The following THEMIS variants were observed in gnomAD, a reference collection of about 807,000 sequenced individuals.
THEMIS encodes thymocyte selection associated, also known as protein THEMIS.
THEMIS carries 37 observed loss-of-function variants against 52.6 expected under a neutral mutation model. The observed-to-expected ratio is 0.70, with a 90% CI of 0.54 to 0.93. The LOEUF (loss-of-function observed/expected upper bound fraction) is 0.93. Ranked by LOEUF, THEMIS falls within the 40% of genes least tolerant of loss-of-function variation. The probability of loss-of-function intolerance (pLI) is 0.00; values close to 1 mark genes in which losing one functional copy is unlikely to be tolerated. For synonymous variants in THEMIS, 292 were observed against 272.7 expected, an observed-to-expected ratio of 1.07 and a Z score of -0.70; for missense variants, 808 against 763.1, an observed-to-expected ratio of 1.06 and a Z score of -0.69.
chr6:127,813,299 C>T lies in THEMIS; in HGVS notation c.1342G>A (p.Glu448Lys), dbSNP rs867661439. The T allele has an allele frequency of 1.2e-6, 2 of 1,614,156 alleles. No homozygotes were observed. Among genetic ancestry groups the T allele is most frequent in the Non-Finnish European group, 1.7e-6 (2 of 1,180,030 alleles). Residue 448 changes from glutamate to lysine, a missense_variant, in exon 4 of 6, where the codon GAG (glutamate) becomes AAG (lysine). Physicochemically the swap from Glu to Lys is moderately conservative, Grantham distance 56. Coordinates refer to ENST00000368248, the MANE Select transcript of THEMIS (RefSeq NM_001010923.3). Reference protein sequence around the residue: ...IHDKKQYPISELCKQFRLPFN... With the variant: ...IHDKKQYPISKLCKQFRLPFN... ...GGCAAACGGAACTGTTTACAGAGCTCAGAAATCGGGTACTGTTTCTTATCA... is the reference window on the plus strand; with the variant it reads ...GGCAAACGGAACTGTTTACAGAGCTTAGAAATCGGGTACTGTTTCTTATCA...
chr6:127,808,296 A>G (rs1403295288), intron 4 of THEMIS, among the ~76,000 whole-genome samples: 1 of 152,168 alleles, frequency 6.6e-6, no homozygotes, highest in Non-Finnish European at 1.5e-5. Flanking sequence ...AGTCGTAGCT[A>G]TATATATCCA....
rs145759503 is a variant in THEMIS, at chr6:127,859,973, G to A, written c.92-4785C>T. On this transcript the variant is annotated intron_variant, in intron 1 of 5. Transcript: ENST00000368248. ...TATCAAGAAGGAGCATCCCTCTAAA[G>A]GAAATGTTTAAGTGTAAAACTATTT... 2.5e-3 allele frequency among the ~76,000 whole-genome samples: 378 copies of A among 152,200 alleles called. 3 individuals carry two copies. Among genetic ancestry groups the A allele is most frequent in the African/African-American group, 8.5e-3 (355 of 41,540 alleles).
chr6:127,807,787 G>C (rs1410848012), intron 4 of THEMIS, among the ~76,000 whole-genome samples: 1 of 152,180 alleles, frequency 6.6e-6, no homozygotes, highest in Non-Finnish European at 1.5e-5. Context: ...TAACAAACAA[G>C]TGGGTATAAT....
At chr6:127,816,043 A>G (rs966291197) in intron 3 of THEMIS, among the ~76,000 whole-genome samples, 1 of 152,124 alleles carries the variant, frequency 6.6e-6, no homozygotes, top group African/African-American at 2.4e-5. Flanking sequence ...CCTATCTTCA[A>G]TACTTCTGTG....
intron 4 of THEMIS, among the ~76,000 whole-genome samples, chr6:127,774,497 G>A (rs557171345): frequency 2.0e-5 from 3 of 152,130 alleles, no homozygotes; most frequent in East Asian, 1.9e-4. Context: ...GAGCCACTGC[G>A]CCCGGCCAGA....
intron 1 of THEMIS, among the ~76,000 whole-genome samples, chr6:127,878,769 T>C (rs1235523307): frequency 1.3e-5 from 2 of 152,200 alleles, no homozygotes; most frequent in Non-Finnish European, 2.9e-5. Flanking sequence ...AGTGAGCCTG[T>C]GGTTTTCTAA....
At chr6:127,796,748 T>C (rs1189006018) in intron 4 of THEMIS, among the ~76,000 whole-genome samples, 1 of 152,164 alleles carries the variant, frequency 6.6e-6, no homozygotes, top group Non-Finnish European at 1.5e-5. Context: ...CATGGGTATA[T>C]ACAGTATATA....
chr6:127,901,115 A>T, upstream of THEMIS: 1 of 589,266 alleles, frequency 1.7e-6, no homozygotes, highest in East Asian at 2.8e-5. Flanking sequence ...GGGAGGGGGG[A>T]AGCAGGAGAC....
Position 127,733,728 on chromosome 6 carries a change from T to C in THEMIS, c.1759-13905A>G, listed in dbSNP as rs527781482. 2.6e-5 allele frequency among the ~76,000 whole-genome samples: 4 copies of C among 152,304 alleles called. No homozygotes were observed. The South Asian group carries it at 8.3e-4, about 32-fold the overall frequency. On this transcript the variant is annotated intron_variant, in intron 4 of 5. Coordinates refer to ENST00000368248, the MANE Select transcript of THEMIS (RefSeq NM_001010923.3). ...TCTGAATCTATCAGGCCTCAAGATT[T>C]AACTGTCAATTCTCAGGAAAATAAG...
chr6:127,877,094 TA>T (rs998172401), intron 1 of THEMIS, among the ~76,000 whole-genome samples: 1 of 152,198 alleles, frequency 6.6e-6, no homozygotes, highest in Admixed American at 6.5e-5. Context: ...AATGTGTTGC[TA>T]AAAACTGCTA....
At chr6:127,847,815 A>G (rs993886833) in intron 2 of THEMIS, among the ~76,000 whole-genome samples, 3 of 151,592 alleles carry the variant, frequency 2.0e-5, no homozygotes, top group Admixed American at 2.0e-4. Flanking sequence ...TTATGGAACC[A>G]AAAAGAGCCC....
Position 127,829,917 on chromosome 6 carries a change from C to G in THEMIS, c.268G>C (p.Ala90Pro). Residue 90 changes from alanine to proline, a missense_variant, in exon 3 of 6, where the codon GCT becomes CCT. Physicochemically the swap from Ala to Pro is conservative, Grantham distance 27. Coordinates refer to ENST00000368248, the MANE Select transcript of THEMIS (RefSeq NM_001010923.3). ...MNFPGLFKIVADKTPYLTMEE... is the reference protein window; with the variant it reads ...MNFPGLFKIVPDKTPYLTMEE... ...ATAGTAAGGTATGGAGTTTTATCAGCCACAATCTTAAAAAGACCTAAGAAC... is the reference window on the plus strand; with the variant it reads ...ATAGTAAGGTATGGAGTTTTATCAGGCACAATCTTAAAAAGACCTAAGAAC... The G allele has an allele frequency of 6.2e-7, 1 of 1,609,634 alleles. No homozygotes were observed. The highest frequency in any genetic ancestry group is 8.5e-7 in the Non-Finnish European group (1 of 1,178,048).
intron 4 of THEMIS, among the ~76,000 whole-genome samples, chr6:127,747,121 A>T (rs1477443628): frequency 1.5e-4 from 19 of 130,746 alleles, no homozygotes; most frequent in Admixed American, 2.6e-4. Flanking sequence ...GATATCTATA[A>T]TTATATTATA....
At chr6:127,786,020 T>C (rs1776936580) in intron 4 of THEMIS, among the ~76,000 whole-genome samples, 2 of 152,138 alleles carry the variant, frequency 1.3e-5, no homozygotes, top group African/African-American at 2.4e-5. Context: ...GAAGCAGCTT[T>C]ATTTATTATT....
rs139823531 is a variant in THEMIS at position 127,722,370 on chromosome 6, G to A, written c.1759-2547C>T. Among the ~76,000 whole-genome samples, 6 of 151,946 alleles carry A rather than the reference G, an allele frequency of 3.9e-5. No individual in the cohort carries two copies. In the East Asian group the frequency reaches 1.2e-3, roughly 30 times the overall value. On this transcript the variant is annotated intron_variant, in intron 4 of 5. Transcript: ENST00000368248. The stretch of plus-strand genomic sequence containing the variant: ...TCCCTGGGTCTGCACATTATACCCT[G>A]GCATCTCTTTTCTGCTACAATAAAA...
At chr6:127,703,387 G>A (rs574959107), downstream of THEMIS, among the ~76,000 whole-genome samples, 1 of 152,234 alleles carries the variant, frequency 6.6e-6, no homozygotes, top group South Asian at 2.1e-4. Flanking sequence ...AAAGATACAA[G>A]AAACAATAAG....
At chr6:127,839,701 C>A (rs749233790) in intron 2 of THEMIS, among the ~76,000 whole-genome samples, 6 of 152,010 alleles carry the variant, frequency 3.9e-5, no homozygotes, top group Non-Finnish European at 7.4e-5. Context: ...TCTTTTAATT[C>A]ATTAATTTCT....
intron 4 of THEMIS, among the ~76,000 whole-genome samples, chr6:127,722,265 G>A (rs1774387629): frequency 1.3e-5 from 2 of 152,010 alleles, no homozygotes; most frequent in South Asian, 2.1e-4. Context: ...AGGTCCTAAC[G>A]TAAAGGGAGG....
At chr6:127,891,545 AAAAAAAAAAAAG>A (rs1780809622) in intron 1 of THEMIS, among the ~76,000 whole-genome samples, 1 of 150,162 alleles carries the variant, frequency 6.7e-6, no homozygotes, top group East Asian at 2.1e-4. Flanking sequence ...CAACAAAAAA[AAAAAAAAAAAAG>A]AAAGAAACAA....
Sources: allele counts gnomAD v4.1 joint callset (sites outside exome capture counted in the v4.1 genomes callset), GRCh38; gene constraint gnomAD v4.1.1; transcripts MANE v1.5; gene names NCBI Gene and HGNC (gene_info 2026-07-23, HGNC 2026-07-21).